Variants in PIK3C2G observed in about 807,000 individuals in gnomAD.
PIK3C2G encodes phosphatidylinositol-4-phosphate 3-kinase catalytic subunit type 2 gamma.
In PIK3C2G, 168 loss-of-function variants were observed where a neutral mutation model predicts 181.1. The observed-to-expected ratio is 0.93, with a 90% CI of 0.82 to 1.05. The LOEUF (loss-of-function observed/expected upper bound fraction) is 1.05. Ranked by LOEUF, PIK3C2G falls within the 50% of genes least tolerant of loss-of-function variation. The pLI, the probability that PIK3C2G is intolerant of heterozygous loss-of-function variation, is 0.00. For missense variants in PIK3C2G, 1,869 were observed against 1,732.8 expected, an observed-to-expected ratio of 1.08 and a Z score of -1.40; for synonymous variants, 573 against 592.2, an observed-to-expected ratio of 0.97 and a Z score of 0.47.
At chr12:18,357,718 T>G (rs1459840660) in intron 11 of PIK3C2G, among the ~76,000 whole-genome samples, 1 of 152,252 alleles carries the variant, frequency 6.6e-6, no homozygotes, top group Non-Finnish European at 1.5e-5. Context: ...TAACTACATG[T>G]GCATTGTTGT....
intron 11 of PIK3C2G, 88 bp from the exon 12 acceptor site, chr12:18,362,676 A>G: frequency 1.1e-6 from 1 of 932,558 alleles, no homozygotes. Flanking sequence ...TTATCATTTG[A>G]CTTTTGACTA....
At chr12:18,283,757 T>C (rs1179294783) in intron 2 of PIK3C2G, among the ~76,000 whole-genome samples, 1 of 152,142 alleles carries the variant, frequency 6.6e-6, no homozygotes, top group African/African-American at 2.4e-5. Flanking sequence ...TAGGGCTGTC[T>C]AGTTCTGATC....
intron 14 of PIK3C2G, among the ~76,000 whole-genome samples, chr12:18,383,992 T>A (rs1009676672): frequency 1.6e-4 from 24 of 146,758 alleles, no homozygotes; most frequent in Non-Finnish European, 2.5e-4. Context: ...TTATTATTTT[T>A]TTTTTTTTTG....
the PIK3C2G span, among the ~76,000 whole-genome samples, chr12:18,677,832 C>T: frequency 1.3e-5 from 2 of 151,982 alleles, no homozygotes; most frequent in East Asian, 3.9e-4. Context: ...ATCTATCCTT[C>T]CATTTTGGTT....
intron 5 of PIK3C2G, among the ~76,000 whole-genome samples, chr12:18,302,293 A>G (rs1344851581): frequency 1.3e-5 from 2 of 152,156 alleles, no homozygotes; most frequent in East Asian, 1.9e-4. Context: ...AAAGTAGCAG[A>G]GAAGAAGCAA....
At chr12:18,537,043 G>A (rs1373764483) in intron 24 of PIK3C2G, among the ~76,000 whole-genome samples, 1 of 151,874 alleles carries the variant, frequency 6.6e-6, no homozygotes, top group Non-Finnish European at 1.5e-5. Context: ...TTATTTTAAA[G>A]ATTTTGCCTG....
At chr12:18,606,731 T>C (rs1382639665) in intron 30 of PIK3C2G, among the ~76,000 whole-genome samples, 1 of 152,068 alleles carries the variant, frequency 6.6e-6, no homozygotes, top group Non-Finnish European at 1.5e-5. Flanking sequence ...AAAGTTAAGA[T>C]TGACTTTCTG....
intron 13 of PIK3C2G, among the ~76,000 whole-genome samples, chr12:18,373,082 G>C (rs1377493496): frequency 6.6e-6 from 1 of 152,218 alleles, no homozygotes; most frequent in East Asian, 1.9e-4. Context: ...GACAATTTAA[G>C]GAAATAAAGA....
intron 15 of PIK3C2G, among the ~76,000 whole-genome samples, chr12:18,392,353 G>A (rs539598295): frequency 6.6e-6 from 1 of 152,156 alleles, no homozygotes; most frequent in African/African-American, 2.4e-5. Flanking sequence ...GCGATCAGGA[G>A]TTTTCTTTTG....
chr12:18,437,970 CATAAT>C (rs1946537019), intron 18 of PIK3C2G, among the ~76,000 whole-genome samples: 1 of 151,784 alleles, frequency 6.6e-6, no homozygotes, highest in South Asian at 2.1e-4. Context: ...CTGCTATGCA[CATAAT>C]AGATAACGCT....
At chr12:18,635,792 T>A (rs1201701452) in intron 31 of PIK3C2G, among the ~76,000 whole-genome samples, 1 of 152,104 alleles carries the variant, frequency 6.6e-6, no homozygotes, top group East Asian at 1.9e-4. Flanking sequence ...ACAAGCAGCT[T>A]TTCAGGTCAC....
chr12:18,425,386 CTTTTTT>C (rs1228477062), intron 18 of PIK3C2G, among the ~76,000 whole-genome samples: 3 of 65,312 alleles, frequency 4.6e-5, no homozygotes, highest in Admixed American at 5.0e-4. Context: ...ACAGACATTT[CTTTTTT>C]TTTTTTTTTT....
intron 29 of PIK3C2G, among the ~76,000 whole-genome samples, chr12:18,584,186 C>T (rs1172707238): frequency 6.6e-6 from 1 of 151,564 alleles, no homozygotes; most frequent in Non-Finnish European, 1.5e-5. Context: ...CGCCACTGTG[C>T]CCAGCTAATT....
intron 14 of PIK3C2G, among the ~76,000 whole-genome samples, chr12:18,388,696 G>A (rs1227619808): frequency 6.6e-6 from 1 of 152,228 alleles, no homozygotes; most frequent in Non-Finnish European, 1.5e-5. Flanking sequence ...GTGGGGCATG[G>A]ACGCTAGGGA....
At chr12:18,650,062 C>G (rs1200576449), downstream of PIK3C2G, among the ~76,000 whole-genome samples, 3 of 151,970 alleles carry the variant, frequency 2.0e-5, no homozygotes, top group African/African-American at 7.3e-5. Context: ...ATAACTCCAG[C>G]CCAGAATACC....
At chr12:18,670,224 C>CT in the PIK3C2G span, among the ~76,000 whole-genome samples, 213 of 152,114 alleles carry the variant, frequency 1.4e-3, 1 homozygote, top group African/African-American at 4.9e-3. Context: ...TAGGAAATCA[C>CT]TTTTTTCAGA....
intron 25 of PIK3C2G, among the ~76,000 whole-genome samples, chr12:18,541,282 A>C (rs1944138652): frequency 1.3e-5 from 2 of 151,938 alleles, no homozygotes; most frequent in South Asian, 2.1e-4. Flanking sequence ...CCAGATATCC[A>C]TATTGCTTTT....
chr12:18,496,879 A>G (rs915836979), intron 21 of PIK3C2G, among the ~76,000 whole-genome samples: 6 of 152,160 alleles, frequency 3.9e-5, no homozygotes, highest in Non-Finnish European at 7.4e-5. Context: ...TGGTCCCACA[A>G]TGCTGTACTT....
chr12:18,410,191 C>A (rs1944781221), intron 16 of PIK3C2G, among the ~76,000 whole-genome samples: 1 of 152,082 alleles, frequency 6.6e-6, no homozygotes, highest in Admixed American at 6.6e-5. Context: ...AGCTGACTAG[C>A]AAATTTTAGA....
Sources: gnomAD v4.1 joint callset for allele counts (sites outside exome capture counted in the v4.1 genomes callset) on GRCh38, gnomAD v4.1.1 for gene constraint, MANE v1.5 for transcripts, NCBI Gene and HGNC (gene_info 2026-07-23, HGNC 2026-07-21) for gene names.